Variants in RNF220 observed in about 807,000 individuals in gnomAD.
RNF220 encodes ring finger protein 220.
RNF220 carries 7 observed loss-of-function variants against 67.1 expected under a neutral mutation model. The observed-to-expected ratio is 0.10, with a 90% CI of 0.06 to 0.20. The LOEUF is 0.20. RNF220 is among the 10% of genes least tolerant of loss of function. RNF220 has a pLI of 1.00. For missense variants in RNF220, 565 were observed against 740.3 expected (o/e 0.76, Z 2.75); for synonymous variants, 270 against 283.2 (o/e 0.95, Z 0.47).
In RNF220 at chr1:44,528,525, C is replaced by T. The variant is rs185569935; in HGVS notation, c.626-85640C>T. On this transcript the variant is annotated intron_variant, in intron 2 of 14. Coordinates refer to ENST00000361799, the MANE Select transcript of RNF220 (RefSeq NM_018150.4). ...CCGTGTTAGCCAGGATGGTCTCAATCTCTTGACCTTGTGATCCACACACCT... is the reference window on the plus strand; with the variant it reads ...CCGTGTTAGCCAGGATGGTCTCAATTTCTTGACCTTGTGATCCACACACCT... 3.4e-3 allele frequency among the ~76,000 whole-genome samples: 509 copies of T among 151,778 alleles called. 6 individuals are homozygous for T. Among genetic ancestry groups the T allele is most frequent in the African/African-American group, 0.011 (467 of 41,342 alleles).
intron 3 of RNF220, among the ~76,000 whole-genome samples, chr1:44,617,813 C>A (rs1643624794): frequency 6.6e-6 from 1 of 152,156 alleles, no homozygotes; most frequent in Non-Finnish European, 1.5e-5. Context: ...CACATCAGGG[C>A]AGTTCCATCC....
At chr1:44,598,956 C>T (rs1666731025) in intron 2 of RNF220, among the ~76,000 whole-genome samples, 1 of 152,122 alleles carries the variant, frequency 6.6e-6, no homozygotes, top group Non-Finnish European at 1.5e-5. Context: ...TCACACTTCC[C>T]CCACCCCATC....
chr1:44,480,988 A>G (rs1158050392), intron 2 of RNF220, among the ~76,000 whole-genome samples: 1 of 152,220 alleles, frequency 6.6e-6, no homozygotes, highest in African/African-American at 2.4e-5. Context: ...ATTTGGCAAT[A>G]TGGAGGGCAA....
At chr1:44,639,537 G>A (rs1488966293) in intron 8 of RNF220, among the ~76,000 whole-genome samples, 6 of 152,344 alleles carry the variant, frequency 3.9e-5, no homozygotes, top group Admixed American at 6.5e-5. Flanking sequence ...CGGTGACTGC[G>A]TTGCTAAAAT....
intron 2 of RNF220, among the ~76,000 whole-genome samples, chr1:44,530,278 T>C (rs1349832988): frequency 1.3e-5 from 2 of 152,138 alleles, no homozygotes; most frequent in Non-Finnish European, 2.9e-5. Flanking sequence ...TTATCTGAAA[T>C]ACCATGATGA....
intron 2 of RNF220, among the ~76,000 whole-genome samples, chr1:44,521,056 C>T (rs1410324429): frequency 6.6e-5 from 10 of 152,048 alleles, no homozygotes; most frequent in African/African-American, 2.2e-4. Context: ...CCACCATGCC[C>T]AACTAGTTTT....
At chr1:44,498,142 C>T (rs814124) in intron 2 of RNF220, among the ~76,000 whole-genome samples, 1,623 of 152,258 alleles carry the variant, frequency 0.011, 29 homozygotes, top group African/African-American at 0.037. Context: ...TGGTGAGTGG[C>T]GAAGGTCCCT....
chr1:44,650,679 A>G lies in RNF220; in HGVS notation c.1630-25A>G. On this transcript the variant is annotated intron_variant, in intron 14 of 14. Transcript: ENST00000361799. The surrounding 1 kb of genome is among the most constrained non-coding windows in gnomAD (Gnocchi z 4.3). ...GCACACATGGCTCATTGTGTAGACCAGAGCCCTCCCTGTTCTCCCTGCAGG... is the reference window on the plus strand; with the variant it reads ...GCACACATGGCTCATTGTGTAGACCGGAGCCCTCCCTGTTCTCCCTGCAGG... 1 of 1,612,360 alleles carries G rather than the reference A, an allele frequency of 6.2e-7. No individual in the cohort carries two copies. Among genetic ancestry groups the G allele is most frequent in the Non-Finnish European group, 8.5e-7 (1 of 1,178,668 alleles).
chr1:44,619,164 G>A (rs1643687810), intron 3 of RNF220, among the ~76,000 whole-genome samples: 1 of 152,208 alleles, frequency 6.6e-6, no homozygotes, highest in Non-Finnish European at 1.5e-5. Context: ...AGATGAAGTA[G>A]CCTTGGGCAT....
intron 2 of RNF220, among the ~76,000 whole-genome samples, chr1:44,432,686 C>T (rs1181544182): frequency 1.3e-5 from 2 of 152,268 alleles, no homozygotes; most frequent in East Asian, 1.9e-4. Flanking sequence ...AAGTGATCTT[C>T]GTGCATTAGC....
chr1:44,572,002 C>T (rs1187268418), intron 2 of RNF220, among the ~76,000 whole-genome samples: 1 of 152,234 alleles, frequency 6.6e-6, no homozygotes, highest in Non-Finnish European at 1.5e-5. Flanking sequence ...CTAGTCCAGG[C>T]CACATTGCCA....
chr1:44,544,674 G>C (rs1661974045), intron 2 of RNF220, among the ~76,000 whole-genome samples: 1 of 152,210 alleles, frequency 6.6e-6, no homozygotes, highest in Admixed American at 6.5e-5. Context: ...ATCTCCAAAG[G>C]CTGGGCATGG....
At chr1:44,635,076 C>T (rs1319289083) in intron 6 of RNF220, among the ~76,000 whole-genome samples, 1 of 152,088 alleles carries the variant, frequency 6.6e-6, no homozygotes, top group Non-Finnish European at 1.5e-5. Flanking sequence ...GGGCTCTTGG[C>T]CCAGGAACCA....
chr1:44,613,720 T>TA (rs1461072084), intron 2 of RNF220, among the ~76,000 whole-genome samples: 5 of 151,608 alleles, frequency 3.3e-5, no homozygotes, highest in Non-Finnish European at 7.4e-5. Flanking sequence ...CTACAAAAAA[T>TA]ACAAAAATTA....
At chr1:44,551,119 C>CTTTT (rs386366846) in intron 2 of RNF220, among the ~76,000 whole-genome samples, 1,716 of 97,404 alleles carry the variant, frequency 0.018, 91 homozygotes, top group African/African-American at 0.02. Context: ...CACTTCTTGC[C>CTTTT]TTTTTTTTTT....
chr1:44,422,476 CT>C (rs1649335301), intron 2 of RNF220, among the ~76,000 whole-genome samples: 1 of 152,212 alleles, frequency 6.6e-6, no homozygotes, highest in Non-Finnish European at 1.5e-5. Context: ...GGGTTTAACC[CT>C]TTCCTAACCA....
At chr1:44,407,010 T>C (rs1251434720) in intron 1 of RNF220, among the ~76,000 whole-genome samples, 1 of 152,156 alleles carries the variant, frequency 6.6e-6, no homozygotes, top group African/African-American at 2.4e-5. Flanking sequence ...ACACCCTGCA[T>C]TCTCGGGTCG....
At chr1:44,558,923 C>G (rs1243563841) in intron 2 of RNF220, among the ~76,000 whole-genome samples, 3 of 152,204 alleles carry the variant, frequency 2.0e-5, no homozygotes, top group Non-Finnish European at 4.4e-5. Flanking sequence ...TCTCCAGCCC[C>G]CATGATGCAT....
intron 2 of RNF220, among the ~76,000 whole-genome samples, chr1:44,510,263 A>G: frequency 1.4e-5 from 2 of 141,856 alleles, no homozygotes; most frequent in African/African-American, 2.6e-5. Flanking sequence ...AGAGAGAGAG[A>G]GAGGAGGGAG....
Sources: allele counts gnomAD v4.1 joint callset (sites outside exome capture counted in the v4.1 genomes callset), GRCh38; gene constraint gnomAD v4.1.1; non-coding constraint Gnocchi (gnomAD v3.1); transcripts MANE v1.5; gene names NCBI Gene and HGNC (gene_info 2026-07-23, HGNC 2026-07-21).